Variants in SUCLG2 observed in about 807,000 individuals in gnomAD.
SUCLG2 encodes the protein succinate-CoA ligase GDP-forming subunit beta.
In SUCLG2, 42 loss-of-function variants were observed where a neutral mutation model predicts 47.9. The ratio of observed to expected loss-of-function variants is 0.88; its 90% confidence interval spans 0.69 to 1.14. The LOEUF (loss-of-function observed/expected upper bound fraction) is 1.14, where lower values mean the gene tolerates loss of function less well. Ranked by LOEUF, SUCLG2 falls within the 50% of genes most tolerant of loss-of-function variation. The pLI is 0.00. For synonymous variants in SUCLG2, 195 were observed against 197.3 expected (o/e 0.99, Z 0.10); for missense variants, 571 against 525.9 (o/e 1.09, Z -0.84).
intron 9 of SUCLG2, among the ~76,000 whole-genome samples, chr3:67,480,685 T>C (rs1196143955): frequency 1.3e-5 from 2 of 152,186 alleles, no homozygotes; most frequent in Non-Finnish European, 2.9e-5. Context: ...AGAAAACCCC[T>C]GGGGAAGGTT....
chr3:67,497,324 T>A (rs534491810), intron 8 of SUCLG2, among the ~76,000 whole-genome samples: 1 of 152,296 alleles, frequency 6.6e-6, no homozygotes, highest in East Asian at 1.9e-4. Context: ...AGACCTCAGT[T>A]TCCAGTACAA....
chr3:67,432,319 C>T (rs1258051261), intron 9 of SUCLG2, among the ~76,000 whole-genome samples: 1 of 152,156 alleles, frequency 6.6e-6, no homozygotes, highest in East Asian at 1.9e-4. Flanking sequence ...TTACAGACAG[C>T]AATTGGTCTT....
At chr3:67,646,521 G>A (rs1303385066) in intron 1 of SUCLG2, among the ~76,000 whole-genome samples, 1 of 152,118 alleles carries the variant, frequency 6.6e-6, no homozygotes, top group Non-Finnish European at 1.5e-5. Flanking sequence ...CTTGAACCTG[G>A]AAGATGGAGG....
At chr3:67,513,706 C>T (rs989743749) in intron 6 of SUCLG2, among the ~76,000 whole-genome samples, 1 of 152,230 alleles carries the variant, frequency 6.6e-6, no homozygotes, top group African/African-American at 2.4e-5. Flanking sequence ...TCGCTTACTA[C>T]TGCCATCTAT....
chr3:67,398,637 G>A (rs368060234), intron 10 of SUCLG2, among the ~76,000 whole-genome samples: 1 of 152,056 alleles, frequency 6.6e-6, no homozygotes, highest in Non-Finnish European at 1.5e-5. Flanking sequence ...TCTAGAACTA[G>A]AAATACCATT....
chr3:67,625,064 T>C (rs919989685), intron 1 of SUCLG2, among the ~76,000 whole-genome samples: 1 of 152,226 alleles, frequency 6.6e-6, no homozygotes, highest in Non-Finnish European at 1.5e-5. Flanking sequence ...GAAAGTTTTA[T>C]ACTAATGACT....
At chr3:67,646,079 T>TGGAGGGGAGGGCAGGGGAGGGGAGG (rs1218302252) in intron 1 of SUCLG2, among the ~76,000 whole-genome samples, 1 of 26,862 alleles carries the variant, frequency 3.7e-5, no homozygotes, top group Non-Finnish European at 7.5e-5. Flanking sequence ...GGGAGGGGAA[T>TGGAGGGGAGGGCAGGGGAGGGGAGG]GGAGGGGAGG....
At chr3:67,492,148 T>G (rs1158896280) in intron 9 of SUCLG2, among the ~76,000 whole-genome samples, 1 of 152,206 alleles carries the variant, frequency 6.6e-6, no homozygotes, top group Admixed American at 6.5e-5. Context: ...TCCAATGAGG[T>G]GCCTTTACTA....
At chr3:67,448,787 T>C (rs943039006) in intron 9 of SUCLG2, among the ~76,000 whole-genome samples, 6 of 152,196 alleles carry the variant, frequency 3.9e-5, no homozygotes, top group African/African-American at 1.4e-4. Flanking sequence ...ATGTTTAAAC[T>C]GCATGAAAAA....
At chr3:67,432,749 T>C (rs763844009) in intron 9 of SUCLG2, among the ~76,000 whole-genome samples, 6 of 152,226 alleles carry the variant, frequency 3.9e-5, no homozygotes, top group Non-Finnish European at 5.9e-5. Context: ...TATATCCCTC[T>C]GGTTCTTCTA....
chr3:67,501,534 A>C (rs1034783857), intron 7 of SUCLG2, among the ~76,000 whole-genome samples: 29 of 152,020 alleles, frequency 1.9e-4, no homozygotes, highest in Non-Finnish European at 4.4e-5. Context: ...CCTGATGCAG[A>C]GCTCCTAATC....
chr3:67,617,891 G>T (rs1559598999), intron 1 of SUCLG2, among the ~76,000 whole-genome samples: 1 of 152,190 alleles, frequency 6.6e-6, no homozygotes, highest in Non-Finnish European at 1.5e-5. Flanking sequence ...GAGGAAAGGT[G>T]TAACAAGTAG....
chr3:67,400,970 A>C, intron 9 of SUCLG2, 119 bp from the exon 10 acceptor site: 1 of 1,430,904 alleles, frequency 7.0e-7, no homozygotes, highest in Non-Finnish European at 9.4e-7. Context: ...TTTTTGTTTT[A>C]TACAGAGCAT....
chr3:67,480,788 G>A (rs981036859), intron 9 of SUCLG2, among the ~76,000 whole-genome samples: 2 of 152,202 alleles, frequency 1.3e-5, no homozygotes, highest in African/African-American at 2.4e-5. Flanking sequence ...TGGCCTGGGC[G>A]AAAGCTTACT....
At chr3:67,373,944 A>G (rs560584072), downstream of SUCLG2, among the ~76,000 whole-genome samples, 53 of 152,306 alleles carry the variant, frequency 3.5e-4, no homozygotes, top group African/African-American at 1.2e-3. Context: ...ATAAAAGGCT[A>G]TTTCCTTGTT....
At chr3:67,427,593 C>T (rs1323313419) in intron 9 of SUCLG2, among the ~76,000 whole-genome samples, 3 of 152,076 alleles carry the variant, frequency 2.0e-5, no homozygotes, top group Admixed American at 6.5e-5. Flanking sequence ...AACTGAGGTA[C>T]GAGGTTCATA....
At chr3:67,453,760 C>G (rs6779086) in intron 9 of SUCLG2, among the ~76,000 whole-genome samples, 80,974 of 152,098 alleles carry the variant, frequency 0.53, 22,587 homozygotes, top group Middle Eastern at 0.63. Context: ...CCACATCAAG[C>G]CTTTGGCTCC....
intron 6 of SUCLG2, among the ~76,000 whole-genome samples, chr3:67,513,623 AT>A (rs1174372557): frequency 1.3e-5 from 2 of 152,208 alleles, no homozygotes; most frequent in African/African-American, 4.8e-5. Context: ...TGAGATTAGT[AT>A]TCCCACTTTC....
At chr3:67,391,815 T>G (rs1232482016) in intron 10 of SUCLG2, among the ~76,000 whole-genome samples, 1 of 152,188 alleles carries the variant, frequency 6.6e-6, no homozygotes, top group Non-Finnish European at 1.5e-5. Flanking sequence ...TGCACTTTTC[T>G]GGATTTAGGC....
Sources: allele counts gnomAD v4.1 joint callset (sites outside exome capture counted in the v4.1 genomes callset), GRCh38; gene constraint gnomAD v4.1.1; transcripts MANE v1.5; gene names NCBI Gene and HGNC (gene_info 2026-07-23, HGNC 2026-07-21).